PCF11: variants seen among roughly 807,000 people sequenced by gnomAD.
PCF11 encodes the protein PCF11 cleavage and polyadenylation factor subunit.
A neutral mutation model predicts 166.1 loss-of-function variants in PCF11; 19 were observed. The observed-to-expected ratio is 0.11, with a 90% CI of 0.08 to 0.17. The LOEUF (loss-of-function observed/expected upper bound fraction) is 0.17, where lower values mean the gene tolerates loss of function less well. Ranked by LOEUF, PCF11 falls within the 10% of genes least tolerant of loss-of-function variation. The pLI is 1.00. For missense variants in PCF11, 1,565 were observed against 1,855.5 expected (o/e 0.84, Z 2.88); for synonymous variants, 663 against 644.1 (o/e 1.03, Z -0.44).
chr11:83,163,130 A>G (rs952693266), intron 2 of PCF11, among the ~76,000 whole-genome samples: 3 of 151,902 alleles, frequency 2.0e-5, no homozygotes, highest in African/African-American at 7.2e-5. Flanking sequence ...AGTTATTTAA[A>G]ACTAAGGCTT....
rs869126679 is a variant in PCF11 at position 83,173,719 on chromosome 11, C to CTTTTTTTTTTTTTTTTTTTTTTTTT, written c.3757+1809_3757+1833dup. 6.8e-5 allele frequency among the ~76,000 whole-genome samples: 4 copies of CTTTTTTTTTTTTTTTTTTTTTTTTT among 59,060 alleles called. 1 individual carries two copies. Among genetic ancestry groups the CTTTTTTTTTTTTTTTTTTTTTTTTT allele is most frequent in the Non-Finnish European group, 9.1e-5 (3 of 32,810 alleles). The allele number at this position is 59,060 out of a possible 152,430, so 38.7% of individuals were successfully genotyped here. A position where few individuals can be genotyped will look rare whatever the true frequency, so the allele number is the denominator to read the frequency against. On this transcript the variant is annotated intron_variant, in intron 9 of 15. Transcript: ENST00000298281. Reference sequence around the variant, plus strand: ...AATTTTCTTGTTTCTTTCTTTCTTTCTTTTTTTTTTTTTTTTTTTTTTTTT... The same window carrying CTTTTTTTTTTTTTTTTTTTTTTTTT: ...AATTTTCTTGTTTCTTTCTTTCTTTCTTTTTTTTTTTTTTTTTTTTTTTTTTTTTTTTTTTTTTTTTTTTTTTTTT...
intron 9 of PCF11, among the ~76,000 whole-genome samples, chr11:83,174,113 T>A (rs201895370): frequency 6.6e-6 from 1 of 152,206 alleles, no homozygotes; most frequent in East Asian, 1.9e-4. Flanking sequence ...TTATTCCCCT[T>A]GTTAGGGGGT....
At chr11:83,157,318 C>T in exon 1 of PCF11, 1 of 843,776 alleles carries the variant, frequency 1.2e-6, no homozygotes, top group Non-Finnish European at 1.8e-6. Flanking sequence ...CCGCGGTCAG[C>T]ATGTGGTGAA....
chr11:83,164,141 A>AT (rs2135420164), intron 3 of PCF11, 66 bp from the exon 4 acceptor site: 1 of 1,143,468 alleles, frequency 8.7e-7, no homozygotes, highest in African/African-American at 1.6e-5. Flanking sequence ...TAAGCTGATA[A>AT]TTTTTACTCC....
chr11:83,165,347 AT>A (rs912565567), intron 4 of PCF11, among the ~76,000 whole-genome samples: 3 of 152,038 alleles, frequency 2.0e-5, no homozygotes, highest in African/African-American at 4.8e-5. Context: ...AAGAGAAACA[AT>A]TTTTTTTCAT....
exon 16 of PCF11, chr11:83,184,992 A>C: frequency 5.4e-6 from 4 of 744,642 alleles, no homozygotes; most frequent in Non-Finnish European, 8.4e-6. Flanking sequence ...TATCTATATA[A>C]ATTGTCTGGC....
At chr11:83,170,019 C>G (rs750576896) in intron 8 of PCF11, 24 bp downstream of exon 8, 2 of 1,529,612 alleles carry the variant, frequency 1.3e-6, no homozygotes, top group East Asian at 2.3e-5. Flanking sequence ...TCTAAAATTG[C>G]GTTGTATGCA....
At chr11:83,175,847 C>G (rs1279233347) in intron 9 of PCF11, among the ~76,000 whole-genome samples, 1 of 152,160 alleles carries the variant, frequency 6.6e-6, no homozygotes, top group Non-Finnish European at 1.5e-5. Context: ...ATGAGGATTC[C>G]TTATCAAGCA....
chr11:83,157,799 G>T, intron 1 of PCF11, 168 bp downstream of exon 1: 2 of 632,020 alleles, frequency 3.2e-6, no homozygotes, highest in Non-Finnish European at 5.5e-6. Flanking sequence ...TCGAGCATGG[G>T]CCTCTGGGGG....
At position 83,181,010 on chromosome 11, in the gene PCF11, G is replaced by A. The variant is rs767615408; in HGVS notation, c.3986G>A (p.Arg1329His). 19 of 1,518,888 alleles carry A rather than the reference G, an allele frequency of 1.3e-5. No individual in the cohort carries two copies. The Admixed American group carries it at 1.6e-4, about 13-fold the overall frequency. 94.1% of individuals were successfully genotyped at this position (1,518,888 alleles called of 1,614,324 possible). A position where few individuals can be genotyped will look rare whatever the true frequency, so the allele number is the denominator to read the frequency against. Residue 1329 changes from arginine (R) to histidine (H), a missense_variant and splice_region_variant, in exon 12 of 16, where the codon CGT becomes CAT. Coordinates refer to ENST00000298281, the Ensembl canonical transcript of PCF11. ...AGATTATTTCTTTTTCAAAATAGAC[G>A]TTATGACAGTGTTATAAATCGACTG...
rs1480629397 is a variant in PCF11, at chr11:83,167,517, T to C, written c.2092+12T>C. On this transcript the variant is annotated intron_variant, in intron 7 of 15. Coordinates refer to ENST00000298281, the Ensembl canonical transcript of PCF11. This position sits in a 1 kb window ranked among gnomAD's most constrained non-coding sequence, Gnocchi z 4.2. ...TCAGTATCAAGAAGGTAAACATAGA[T>C]GCAATGTACGGGATAGTCCTACAGA... 1.2e-6 allele frequency: 2 copies of C among 1,610,112 alleles called. No individual in the cohort carries two copies. Among genetic ancestry groups the C allele is most frequent in the Non-Finnish European group, 1.7e-6 (2 of 1,178,054 alleles).
chr11:83,182,345 T>A, intron 13 of PCF11, 54 bp from the exon 14 acceptor site: 1 of 905,138 alleles, frequency 1.1e-6, no homozygotes. Flanking sequence ...TTTTACTTAA[T>A]GGGGTTAAAT....
intron 9 of PCF11, among the ~76,000 whole-genome samples, chr11:83,172,567 C>T (rs1782329462): frequency 6.6e-6 from 1 of 152,046 alleles, no homozygotes; most frequent in Non-Finnish European, 1.5e-5. Flanking sequence ...GGACTACAGG[C>T]GTGTGCCACC....
At chr11:83,164,224 A>G in exon 4 of PCF11, 1 of 1,611,728 alleles carries the variant, frequency 6.2e-7, no homozygotes, top group Non-Finnish European at 8.5e-7. Flanking sequence ...AGCCTTCAAC[A>G]CCTGGTACAG....
At chr11:83,163,940 G>T (rs1860353049) in intron 3 of PCF11, 73 bp downstream of exon 3, 1 of 676,094 alleles carries the variant, frequency 1.5e-6, no homozygotes. Flanking sequence ...AGAACTTACT[G>T]CCAGAAAGTC....
At chr11:83,182,156 A>T in intron 13 of PCF11, 147 bp downstream of exon 13, 1 of 754,124 alleles carries the variant, frequency 1.3e-6, no homozygotes, top group South Asian at 2.3e-5. Flanking sequence ...TTTTACTCTT[A>T]CAATCTAGCT....
chr11:83,169,810 T>C (rs1860618704), exon 8 of PCF11: 2 of 1,613,812 alleles, frequency 1.2e-6, no homozygotes, highest in African/African-American at 1.3e-5. Context: ...TGAACAAATA[T>C]TTGATTCACC....
chr11:83,183,346 T>C (rs1360070829), intron 15 of PCF11, among the ~76,000 whole-genome samples: 4 of 152,208 alleles, frequency 2.6e-5, no homozygotes, highest in African/African-American at 9.6e-5. Flanking sequence ...CATGGTATCT[T>C]TTACTAGTCC....
Position 83,169,571 on chromosome 11 carries a change from C to T in PCF11, c.3236C>T (p.Pro1079Leu), listed in dbSNP as rs761008642. The change falls in exon 8 of 16, where the codon CCT becomes CTT. Residue 1079 changes from proline (P) to leucine (L), a missense_variant. Physicochemically the swap from Pro to Leu is moderately conservative, Grantham distance 98 (BLOSUM62 -3). Coordinates refer to ENST00000298281, the Ensembl canonical transcript of PCF11. ...GGCCCTCAGAGGTTTGATGGACCAC[C>T]TGGACAGCAGGTTCAACCCAGATTT... The T allele has an allele frequency of 1.9e-6, 3 of 1,613,924 alleles. 1 individual carries two copies. The South Asian group carries it at 3.3e-5, about 18-fold the overall frequency.
Sources: allele counts gnomAD v4.1 joint callset (sites outside exome capture counted in the v4.1 genomes callset), GRCh38; gene constraint gnomAD v4.1.1; non-coding constraint Gnocchi (gnomAD v3.1); transcripts MANE v1.5; gene names NCBI Gene and HGNC (gene_info 2026-07-23, HGNC 2026-07-21).